Variants in SETX observed in about 807,000 individuals in gnomAD.
SETX encodes helicase senataxin.
In SETX, 90 loss-of-function variants were observed where a neutral mutation model predicts 227.2. That is an observed-to-expected ratio of 0.40 (90% confidence interval 0.33 to 0.47). The LOEUF is 0.47. SETX is among the 20% of genes least tolerant of loss of function. The pLI, the probability that SETX is intolerant of heterozygous loss-of-function variation, is 0.91. For missense variants in SETX, 3,052 were observed against 3,181.5 expected (o/e 0.96, Z 0.98); for synonymous variants, 1,210 against 1,113.2 (o/e 1.09, Z -1.73).
rs1005649811 is a variant in SETX at position 132,329,787 on chromosome 9, G to C, written c.1811C>G (p.Thr604Ser). 8 of 1,613,938 alleles carry C rather than the reference G, an allele frequency of 5.0e-6. No homozygotes were observed. The highest frequency in any genetic ancestry group is 2.5e-6 in the Non-Finnish European group (3 of 1,179,994). ...ACATGCAGAAGTCAGATCCACAAAA[G>C]TGTTACATGGAGGTGCTTTGAATTT... ...NIKFKAPPCNTFVDLTSACKI... is the reference protein window; with the variant it reads ...NIKFKAPPCNSFVDLTSACKI... The change falls in exon 10 of 26, where the codon ACT (threonine) becomes AGT (serine). Residue 604 changes from threonine (T) to serine (S), a missense_variant. Around this residue, in one of 10 missense-constraint regions of SETX, gnomAD observed 1,483 missense variants for 1,312.0 expected, o/e 1.13. Transcript: ENST00000224140.
chr9:132,277,291 G>T, intron 21 of SETX, 139 bp from the exon 22 acceptor site: 1 of 726,994 alleles, frequency 1.4e-6, no homozygotes, highest in Non-Finnish European at 2.4e-6. Flanking sequence ...TTTTCTAGAC[G>T]TGTATTAGTG....
At position 132,262,340 on chromosome 9, in the gene SETX, G is replaced by A. The variant is rs1049901431; in HGVS notation, c.*1899C>T. 3 of 152,208 alleles carry A rather than the reference G, an allele frequency of 2.0e-5. No individual in the cohort carries two copies. Among genetic ancestry groups the A allele is most frequent in the African/African-American group, 7.2e-5 (3 of 41,454 alleles). 9.4% of individuals were successfully genotyped at this position (152,208 alleles called of 1,614,324 possible). A position where few individuals can be genotyped will look rare whatever the true frequency, so the allele number is the denominator to read the frequency against. ...GTTTTTGCCATGCCTCCCTTTAGAAGCTTAGGAGTTTGTACATTCCCTAAG... is the reference window on the plus strand; with the variant it reads ...GTTTTTGCCATGCCTCCCTTTAGAAACTTAGGAGTTTGTACATTCCCTAAG... On this transcript the variant is annotated 3_prime_UTR_variant, in exon 26 of 26. Coordinates refer to ENST00000224140, the MANE Select transcript of SETX (RefSeq NM_015046.7).
chr9:132,316,442 T>A (rs1374625935), intron 10 of SETX, among the ~76,000 whole-genome samples: 6 of 152,228 alleles, frequency 3.9e-5, no homozygotes, highest in African/African-American at 1.4e-4. Flanking sequence ...ACATTAACTT[T>A]GACAGAATAA....
chr9:132,352,091 T>C (rs187662908), intron 2 of SETX, among the ~76,000 whole-genome samples: 170 of 152,342 alleles, frequency 1.1e-3, no homozygotes, highest in African/African-American at 3.9e-3. Flanking sequence ...AAGTTTAGAT[T>C]CACTACCTCC....
chr9:132,311,621 T>A, intron 11 of SETX, 136 bp downstream of exon 11: 1 of 675,966 alleles, frequency 1.5e-6, no homozygotes, highest in Non-Finnish European at 2.6e-6. Flanking sequence ...ATTAAGACTT[T>A]AAGCATATTC....
chr9:132,306,093 G>C (rs539335106), intron 11 of SETX, among the ~76,000 whole-genome samples: 1 of 152,236 alleles, frequency 6.6e-6, no homozygotes, highest in South Asian at 2.1e-4. Context: ...TCCATCCCAT[G>C]CAACTCCCTT....
intron 15 of SETX, among the ~76,000 whole-genome samples, chr9:132,294,185 A>C (rs1035336545): frequency 3.3e-5 from 5 of 152,184 alleles, no homozygotes; most frequent in African/African-American, 1.2e-4. Flanking sequence ...CTGCACAGGG[A>C]CTGCTCTCAG....
chr9:132,313,316 AAG>A (rs1172974845), intron 10 of SETX, among the ~76,000 whole-genome samples: 2 of 152,204 alleles, frequency 1.3e-5, no homozygotes, highest in African/African-American at 2.4e-5. Flanking sequence ...ATTTTATCAC[AAG>A]AGATTTACCT....
At chr9:132,313,142 T>C (rs190310544) in intron 10 of SETX, among the ~76,000 whole-genome samples, 194 of 152,332 alleles carry the variant, frequency 1.3e-3, no homozygotes, top group Non-Finnish European at 2.3e-3. Context: ...AGAAATGTTC[T>C]AAAACTGGGT....
chr9:132,271,667 C>T (rs1164069911), intron 24 of SETX, 43 bp downstream of exon 24: 2 of 1,463,786 alleles, frequency 1.4e-6, no homozygotes, highest in Non-Finnish European at 1.9e-6. Context: ...AAACAAGCAA[C>T]AATGTATACA....
rs146128231 is a variant in SETX, at chr9:132,326,539, G to C, written c.5059C>G (p.Pro1687Ala). ...GESKYFPSSSPVNILLSSQSV... is the reference protein window; with the variant it reads ...GESKYFPSSSAVNILLSSQSV... ...TGTGATGACAAAAGAATGTTTACTG[G>C]AGAGGAAGATGGAAAATATTTGCTT... The change falls in exon 10 of 26, where the codon CCA becomes GCA. Residue 1687 changes from proline to alanine, a missense_variant. Transcript: ENST00000224140. The C allele has an allele frequency of 2.5e-6, 4 of 1,614,062 alleles. No individual in the cohort carries two copies. The highest frequency in any genetic ancestry group is 1.3e-5 in the African/African-American group (1 of 74,928).
At chr9:132,306,885 A>C (rs1447798659) in intron 11 of SETX, among the ~76,000 whole-genome samples, 1 of 152,180 alleles carries the variant, frequency 6.6e-6, no homozygotes, top group Non-Finnish European at 1.5e-5. Flanking sequence ...CCAGCTCTTT[A>C]TCTATTTTAT....
At chr9:132,309,746 G>A (rs1564517754) in intron 11 of SETX, among the ~76,000 whole-genome samples, 1 of 152,092 alleles carries the variant, frequency 6.6e-6, no homozygotes, top group Non-Finnish European at 1.5e-5. Context: ...ATCAATACAT[G>A]GGGTAGGTGG....
intron 7 of SETX, among the ~76,000 whole-genome samples, chr9:132,334,383 G>C (rs541189369): frequency 1.3e-3 from 201 of 152,336 alleles, no homozygotes; most frequent in African/African-American, 4.7e-3. Flanking sequence ...AGGAGGTGGA[G>C]GTTGCAGTGA....
chr9:132,355,749 G>C (rs1487067960), upstream of SETX, among the ~76,000 whole-genome samples: 2 of 152,224 alleles, frequency 1.3e-5, no homozygotes, highest in Non-Finnish European at 2.9e-5. Context: ...CACTTTGGGA[G>C]GCCGAGGCGG....
chr9:132,298,452 T>A (rs1589672504), intron 12 of SETX, 140 bp from the exon 13 acceptor site: 1 of 773,492 alleles, frequency 1.3e-6, no homozygotes, highest in South Asian at 1.5e-5. Context: ...ATTTATGGAC[T>A]GCTTCCTGAA....
At chr9:132,333,556 GA>G (rs1386200813) in intron 7 of SETX, among the ~76,000 whole-genome samples, 2 of 151,336 alleles carry the variant, frequency 1.3e-5, no homozygotes, top group Non-Finnish European at 2.9e-5. Context: ...AGAATGAGGG[GA>G]AAAAATTATA....
chr9:132,326,842 G>A lies in SETX; in HGVS notation c.4756C>T (p.Pro1586Ser). Residue 1586 changes from proline to serine, a missense_variant, in exon 10 of 26, where the codon CCT becomes TCT. Transcript: ENST00000224140. Reference sequence around the variant, plus strand: ...GGTCTCAAAGGTTTAGATGCAGGAGGAGGCAAGCCAGGTTTACGAAATACA... The same window carrying A: ...GGTCTCAAAGGTTTAGATGCAGGAGAAGGCAAGCCAGGTTTACGAAATACA... ...EDVFRKPGLPPPASKPLRPTT... is the reference protein window; with the variant it reads ...EDVFRKPGLPSPASKPLRPTT... 6.2e-7 allele frequency: 1 copy of A among 1,614,174 alleles called. No homozygotes were observed. Among genetic ancestry groups the A allele is most frequent in the African/African-American group, 1.3e-5 (1 of 75,020 alleles).
intron 7 of SETX, among the ~76,000 whole-genome samples, chr9:132,333,350 C>T (rs1847363842): frequency 1.4e-5 from 2 of 144,068 alleles, no homozygotes; most frequent in South Asian, 4.4e-4. Context: ...TGCACTCCAG[C>T]CTGGGTGAGA....
Sources: allele counts gnomAD v4.1 joint callset (sites outside exome capture counted in the v4.1 genomes callset), GRCh38; gene constraint gnomAD v4.1.1; regional missense constraint gnomAD v4.1.1; transcripts MANE v1.5; gene names NCBI Gene and HGNC (gene_info 2026-07-23, HGNC 2026-07-21).